Variants in KCNMB2 observed in about 807,000 individuals in gnomAD.
KCNMB2 encodes potassium calcium-activated channel subfamily M regulatory beta subunit 2.
A neutral mutation model predicts 24.5 loss-of-function variants in KCNMB2; 9 were observed. The ratio of observed to expected loss-of-function variants is 0.37; its 90% CI spans 0.22 to 0.64. The LOEUF (loss-of-function observed/expected upper bound fraction) is 0.64. KCNMB2 is among the 30% of genes least tolerant of loss of function. KCNMB2 has a pLI of 0.63. For synonymous variants in KCNMB2, 109 were observed against 104.4 expected, an observed-to-expected ratio of 1.04 and a Z score of -0.27; for missense variants, 226 against 284.3, an observed-to-expected ratio of 0.79 and a Z score of 1.47.
At chr3:178,713,207 G>C (rs546288754) in intron 1 of KCNMB2, among the ~76,000 whole-genome samples, 15 of 152,322 alleles carry the variant, frequency 9.8e-5, no homozygotes, top group Admixed American at 6.5e-4. Flanking sequence ...TGATTACTTT[G>C]TAAATGTTAG....
chr3:178,720,110 C>G (rs2108357628), intron 1 of KCNMB2, among the ~76,000 whole-genome samples: 1 of 152,140 alleles, frequency 6.6e-6, no homozygotes, highest in East Asian at 1.9e-4. Flanking sequence ...AGGTATATCT[C>G]CCAATGCTAT....
In KCNMB2 at chr3:178,639,234, G is replaced by A. The variant is rs74903374; in HGVS notation, c.-68+102523G>A. 7.7e-3 allele frequency among the ~76,000 whole-genome samples: 1,171 copies of A among 152,216 alleles called. 15 individuals carry two copies. Among genetic ancestry groups the A allele is most frequent in the African/African-American group, 0.027 (1,132 of 41,548 alleles). On this transcript the variant is annotated intron_variant, in intron 1 of 4. Transcript: ENST00000452583. ...TCTTGACATTAATTATCTCATTTAA[G>A]TCTCACAGCAATCTGATGAGATCAT...
intron 1 of KCNMB2, among the ~76,000 whole-genome samples, chr3:178,577,657 A>T (rs1389019079): frequency 1.3e-5 from 2 of 152,222 alleles, no homozygotes; most frequent in Non-Finnish European, 2.9e-5. Context: ...TAGAATAACC[A>T]GTTTAGAGAA....
chr3:178,623,666 AT>A (rs1359447538), intron 1 of KCNMB2, among the ~76,000 whole-genome samples: 1 of 152,226 alleles, frequency 6.6e-6, no homozygotes, highest in Non-Finnish European at 1.5e-5. Flanking sequence ...AATGTTTGGT[AT>A]TTGAGTTGAG....
intron 1 of KCNMB2, among the ~76,000 whole-genome samples, chr3:178,576,490 A>G (rs1716995252): frequency 6.6e-6 from 1 of 152,150 alleles, no homozygotes; most frequent in Non-Finnish European, 1.5e-5. Context: ...CCAGCAAGAC[A>G]AAACTGTTCA....
Position 178,807,431 on chromosome 3 carries a change from C to T in KCNMB2, c.22C>T (p.Arg8Trp), listed in dbSNP as rs143592001. MFIWTSG[R>W]TSSSYRHDEK... ...TAAGATGTTTATATGGACCAGTGGC[C>T]GGACCTCTTCATCTTATAGACATGA... The change falls in exon 2 of 5, where the codon CGG (arginine) becomes TGG (tryptophan). Residue 8 changes from arginine (R) to tryptophan (W), a missense_variant. By Grantham distance (101) the Arg-to-Trp change is moderately radical. Coordinates refer to ENST00000452583, the MANE Select transcript of KCNMB2 (RefSeq NM_181361.3). 259 of 1,613,686 alleles carry T rather than the reference C, an allele frequency of 1.6e-4. 1 individual carries two copies. Among genetic ancestry groups the T allele is most frequent in the Non-Finnish European group, 1.6e-4 (186 of 1,179,740 alleles).
intron 1 of KCNMB2, among the ~76,000 whole-genome samples, chr3:178,806,683 C>CATA (rs61194423): frequency 0.053 from 7,793 of 147,760 alleles, 324 homozygotes; most frequent in African/African-American, 0.11. Flanking sequence ...AAAGCCAAGT[C>CATA]ATAATAATAA....
At chr3:178,659,286 C>A (rs184796601) in intron 1 of KCNMB2, among the ~76,000 whole-genome samples, 2 of 152,276 alleles carry the variant, frequency 1.3e-5, no homozygotes, top group East Asian at 1.9e-4. Flanking sequence ...AGGTTTCCAG[C>A]CAGACAAAAC....
At chr3:178,632,113 G>T (rs534559714) in intron 1 of KCNMB2, among the ~76,000 whole-genome samples, 4 of 152,324 alleles carry the variant, frequency 2.6e-5, no homozygotes, top group South Asian at 2.1e-4. Context: ...TTGGAAACAG[G>T]ATTAGTACAA....
At chr3:178,607,930 C>A (rs768207377) in intron 1 of KCNMB2, among the ~76,000 whole-genome samples, 1 of 152,068 alleles carries the variant, frequency 6.6e-6, no homozygotes, top group African/African-American at 2.4e-5. Flanking sequence ...TCTAGTAGTT[C>A]TAAGATTCTT....
At chr3:178,681,695 C>G (rs753041107) in intron 1 of KCNMB2, among the ~76,000 whole-genome samples, 1 of 152,190 alleles carries the variant, frequency 6.6e-6, no homozygotes, top group African/African-American at 2.4e-5. Flanking sequence ...GTCATATCGA[C>G]TACCTGAAGC....
At chr3:178,663,689 T>C (rs6443556) in intron 1 of KCNMB2, among the ~76,000 whole-genome samples, 112,296 of 152,078 alleles carry the variant, frequency 0.74, 42,526 homozygotes, top group African/African-American at 0.93. Context: ...ACCAAAATGA[T>C]ACCAATGCAT....
chr3:178,748,958 T>G (rs1045961242), intron 1 of KCNMB2: 5 of 152,190 alleles, frequency 3.3e-5, no homozygotes, highest in African/African-American at 1.2e-4. Flanking sequence ...AAACAAAGAT[T>G]CCAGTTTAGC....
At chr3:178,695,973 T>C (rs1285548832) in intron 1 of KCNMB2, among the ~76,000 whole-genome samples, 1 of 152,214 alleles carries the variant, frequency 6.6e-6, no homozygotes, top group Non-Finnish European at 1.5e-5. Context: ...ATGCTCACAC[T>C]GCTAACAAAG....
chr3:178,689,721 C>G (rs1721601527), intron 1 of KCNMB2, among the ~76,000 whole-genome samples: 1 of 152,200 alleles, frequency 6.6e-6, no homozygotes, highest in East Asian at 1.9e-4. Context: ...TTTCTCCCTT[C>G]CTTTCTCTAG....
rs201683631 is a variant in KCNMB2, at chr3:178,701,686, A to G, written c.-67-105657A>G. Among the ~76,000 whole-genome samples, 69 of 152,362 alleles carry G rather than the reference A, an allele frequency of 4.5e-4. No homozygotes were observed. In the East Asian group the frequency reaches 0.012, roughly 26 times the overall value. ...GAAAAAATGCTCATCATCACTGGCC[A>G]TCAGAGAAATGCAAATCAAAACCAC... On this transcript the variant is annotated intron_variant, in intron 1 of 4. Coordinates refer to ENST00000452583, the MANE Select transcript of KCNMB2 (RefSeq NM_181361.3).
At chr3:178,666,455 T>TA (rs1283410150) in intron 1 of KCNMB2, among the ~76,000 whole-genome samples, 1 of 152,136 alleles carries the variant, frequency 6.6e-6, no homozygotes, top group African/African-American at 2.4e-5. Context: ...GAAATAAACC[T>TA]ACCAAAAATT....
At chr3:178,766,592 G>A (rs1712130822) in intron 1 of KCNMB2, among the ~76,000 whole-genome samples, 1 of 151,982 alleles carries the variant, frequency 6.6e-6, no homozygotes. Flanking sequence ...TTCCTATTTT[G>A]TTATTTAACT....
At chr3:178,616,547 G>A (rs566856866) in intron 1 of KCNMB2, among the ~76,000 whole-genome samples, 6 of 152,332 alleles carry the variant, frequency 3.9e-5, no homozygotes, top group South Asian at 2.1e-4. Context: ...TGGGGTGGAG[G>A]AGGGGCGACA....
Sources: gnomAD v4.1 joint callset for allele counts (sites outside exome capture counted in the v4.1 genomes callset) on GRCh38, gnomAD v4.1.1 for gene constraint, MANE v1.5 for transcripts, NCBI Gene and HGNC (gene_info 2026-07-23, HGNC 2026-07-21) for gene names.